Variants in CREB3L2 observed in about 807,000 individuals in gnomAD.
CREB3L2 encodes the protein cAMP responsive element binding protein 3 like 2.
CREB3L2 carries 23 observed loss-of-function variants against 57.2 expected under a neutral mutation model. The ratio of observed to expected loss-of-function variants is 0.40; its 90% confidence interval spans 0.29 to 0.57. The LOEUF is 0.57. Ranked by LOEUF, CREB3L2 falls within the 20% of genes least tolerant of loss-of-function variation. The probability of loss-of-function intolerance (pLI) is 0.42; values close to 1 mark genes in which losing one functional copy is unlikely to be tolerated. For synonymous variants in CREB3L2, 268 were observed against 265.1 expected, an observed-to-expected ratio of 1.01 and a Z score of -0.11; for missense variants, 628 against 634.7, an observed-to-expected ratio of 0.99 and a Z score of 0.11.
At position 137,908,253 on chromosome 7, in the gene CREB3L2, T is replaced by C. The variant is rs1799930974; in HGVS notation, c.767A>G (p.His256Arg). ...LSSSPLLTAP[H>R]KLQGSGPLVL... is the part of the protein sequence containing the mutation. ...CAGGAATGCCCGCTGCATACTTACA[T>C]GAGGAGCCGTGAGGAGAGGGGAGCT... The change falls in exon 5 of 12, where the codon CAT becomes CGT. Residue 256 changes from histidine (H) to arginine (R), a missense_variant and splice_region_variant. By Grantham distance (29) the His-to-Arg change is conservative (BLOSUM62 0). Transcript: ENST00000330387. 8.0e-7 allele frequency: 1 copy of C among 1,256,736 alleles called. No individual in the cohort carries two copies. The highest frequency in any genetic ancestry group is 1.0e-6 in the Non-Finnish European group (1 of 991,932). The allele number at this position is 1,256,736 out of a possible 1,614,324, so 77.8% of individuals were successfully genotyped here.
At chr7:137,944,109 G>A (rs1800924048) in intron 1 of CREB3L2, among the ~76,000 whole-genome samples, 1 of 152,236 alleles carries the variant, frequency 6.6e-6, no homozygotes, top group South Asian at 2.1e-4. Context: ...CAAAGTCTGG[G>A]TGTCTAATAG....
intron 1 of CREB3L2, among the ~76,000 whole-genome samples, chr7:137,961,931 C>T (rs907379982): frequency 3.9e-5 from 6 of 152,126 alleles, no homozygotes; most frequent in African/African-American, 1.4e-4. Flanking sequence ...ACCATGGGAA[C>T]TTCTAGGAAG....
chr7:137,895,603 A>G (rs1316680628), intron 8 of CREB3L2, among the ~76,000 whole-genome samples: 1 of 133,610 alleles, frequency 7.5e-6, no homozygotes, highest in Non-Finnish European at 1.5e-5. Flanking sequence ...TTCATCTAGA[A>G]ATCAATAATA....
At chr7:137,952,959 G>A (rs1801132410) in intron 1 of CREB3L2, among the ~76,000 whole-genome samples, 2 of 152,122 alleles carry the variant, frequency 1.3e-5, no homozygotes, top group Admixed American at 1.3e-4. Flanking sequence ...CTGGATTACA[G>A]GCGCCTGCCA....
Position 137,980,738 on chromosome 7 carries a change from G to A in CREB3L2, c.102+20866C>T, listed in dbSNP as rs1386151609. 6.6e-6 allele frequency among the ~76,000 whole-genome samples: 1 copy of A among 152,186 alleles called. No homozygotes were observed. The highest frequency in any genetic ancestry group is 1.5e-5 in the Non-Finnish European group (1 of 68,042). On this transcript the variant is annotated intron_variant, in intron 1 of 11. Coordinates refer to ENST00000330387, the MANE Select transcript of CREB3L2 (RefSeq NM_194071.4). The surrounding 1 kb of genome is among the most constrained non-coding windows in gnomAD (Gnocchi z 4.3). ...TCCTCAGGATTTCAACTGAGAGGGA[G>A]GAGTTGGGAAAGGCAAACTAGGAAA... is the stretch of plus-strand genomic sequence containing the variant.
chr7:137,903,119 A>G (rs273970), intron 7 of CREB3L2, among the ~76,000 whole-genome samples: 116,167 of 152,156 alleles, frequency 0.76, 45,394 homozygotes, highest in African/African-American at 0.94. Flanking sequence ...AGCCTATTGA[A>G]GTTTTTTTCT....
At chr7:137,889,013 C>A (rs144282304) in intron 8 of CREB3L2, among the ~76,000 whole-genome samples, 2 of 149,534 alleles carry the variant, frequency 1.3e-5, no homozygotes, top group African/African-American at 2.4e-5. Flanking sequence ...ACCAACAATC[C>A]CTATTGACCA....
intron 1 of CREB3L2, among the ~76,000 whole-genome samples, chr7:137,951,343 A>G (rs939129254): frequency 6.6e-6 from 1 of 152,258 alleles, no homozygotes; most frequent in Non-Finnish European, 1.5e-5. Flanking sequence ...CTGTAGCTCA[A>G]TGTTAATAAA....
Position 137,904,040 on chromosome 7 carries a change from G to A in CREB3L2, c.916-23C>T, listed in dbSNP as rs756272199. The A allele has an allele frequency of 9.4e-6, 15 of 1,591,636 alleles. No homozygotes were observed. In the African/African-American group the frequency reaches 2.0e-4, roughly 21 times the overall value. On this transcript the variant is annotated intron_variant, in intron 6 of 11. Transcript: ENST00000330387. Reference sequence around the variant, plus strand: ...AATCTGAGAGAGAGGAGTGGGAGGAGAATGATTAATTTCCAGCTCTGTAAG... The same window carrying A: ...AATCTGAGAGAGAGGAGTGGGAGGAAAATGATTAATTTCCAGCTCTGTAAG...
At chr7:137,924,570 C>G (rs1447674519) in intron 2 of CREB3L2, among the ~76,000 whole-genome samples, 1 of 152,188 alleles carries the variant, frequency 6.6e-6, no homozygotes, top group Non-Finnish European at 1.5e-5. Flanking sequence ...ATAAAAGTAT[C>G]ATAAATATTT....
intron 3 of CREB3L2, among the ~76,000 whole-genome samples, chr7:137,914,936 C>G (rs759954859): frequency 1.3e-5 from 2 of 152,012 alleles, no homozygotes; most frequent in Non-Finnish European, 2.9e-5. Flanking sequence ...CTCTGTTGCC[C>G]AAGCTGGAGT....
chr7:137,908,180 C>T lies in CREB3L2; in HGVS notation c.768+72G>A, dbSNP rs562694917. 8.3e-6 allele frequency: 9 copies of T among 1,085,498 alleles called. No homozygotes were observed. In the East Asian group the frequency reaches 1.6e-4, roughly 19 times the overall value. The allele number at this position is 1,085,498 out of a possible 1,614,324, so 67.2% of individuals were successfully genotyped here. On this transcript the variant is annotated intron_variant, in intron 5 of 11. Coordinates refer to ENST00000330387, the MANE Select transcript of CREB3L2 (RefSeq NM_194071.4). ...AACCAAACAGCCTTGAGTGGTCCTG[C>T]TCTGGATACAGCCCCAGGGGAATGA... is the stretch of plus-strand genomic sequence containing the variant.
At chr7:137,901,933 T>C (rs141477830) in intron 7 of CREB3L2, among the ~76,000 whole-genome samples, 3,008 of 143,466 alleles carry the variant, frequency 0.021, 98 homozygotes, top group African/African-American at 0.074. Context: ...GTGGCTCATG[T>C]CTATAATCCC....
chr7:137,928,510 C>T (rs888537814), intron 1 of CREB3L2, 144 bp from the exon 2 acceptor site: 16 of 540,870 alleles, frequency 3.0e-5, no homozygotes, highest in Admixed American at 1.9e-4. Flanking sequence ...TGCTGTGTAG[C>T]AAACCACCCC....
At chr7:137,909,073 C>G (rs905060441) in intron 4 of CREB3L2, among the ~76,000 whole-genome samples, 1 of 152,180 alleles carries the variant, frequency 6.6e-6, no homozygotes, top group Non-Finnish European at 1.5e-5. Context: ...GCCCTCCAGC[C>G]TGGGTGACAG....
At chr7:137,882,234 A>G (rs1585585868) in intron 11 of CREB3L2, among the ~76,000 whole-genome samples, 178 bp downstream of exon 11, 1 of 152,174 alleles carries the variant, frequency 6.6e-6, no homozygotes, top group East Asian at 1.9e-4. Context: ...ATCTCTGCTC[A>G]GGGCAACTGT....
At chr7:137,943,486 A>T (rs1585647269) in intron 1 of CREB3L2, among the ~76,000 whole-genome samples, 1 of 152,148 alleles carries the variant, frequency 6.6e-6, no homozygotes, top group Non-Finnish European at 1.5e-5. Context: ...CCAAGCATAG[A>T]TGGAGAGCAG....
At chr7:137,935,592 G>T (rs1800761783) in intron 1 of CREB3L2, among the ~76,000 whole-genome samples, 1 of 152,078 alleles carries the variant, frequency 6.6e-6, no homozygotes. Flanking sequence ...CTATGGCCCA[G>T]ATGTAAACCG....
chr7:137,920,478 C>A (rs1342351176), intron 2 of CREB3L2, among the ~76,000 whole-genome samples: 1 of 152,128 alleles, frequency 6.6e-6, no homozygotes, highest in Non-Finnish European at 1.5e-5. Flanking sequence ...ACTCTGCTGA[C>A]CCCCACACAG....
Sources: allele counts gnomAD v4.1 joint callset (sites outside exome capture counted in the v4.1 genomes callset), GRCh38; gene constraint gnomAD v4.1.1; non-coding constraint Gnocchi (gnomAD v3.1); transcripts MANE v1.5; gene names NCBI Gene and HGNC (gene_info 2026-07-23, HGNC 2026-07-21).